Variants in DRAP1 observed in about 807,000 individuals in gnomAD.
The protein encoded by DRAP1 is DR1 associated protein 1.
In DRAP1, 10 loss-of-function variants were observed where a neutral mutation model predicts 24.1. That is an observed-to-expected ratio of 0.41 (90% CI 0.26 to 0.70). The LOEUF is 0.70. Ranked by LOEUF, DRAP1 falls within the 30% of genes least tolerant of loss-of-function variation. The probability of loss-of-function intolerance (pLI) is 0.29; values close to 1 mark genes in which losing one functional copy is unlikely to be tolerated. For missense variants in DRAP1, 264 were observed against 275.6 expected (o/e 0.96, Z 0.30); for synonymous variants, 122 against 113.8 (o/e 1.07, Z -0.46).
In DRAP1 at chr11:65,919,458, G is replaced by T. The variant is rs1488889719; in HGVS notation, c.-44G>T. 6.6e-7 allele frequency: 1 copy of T among 1,512,610 alleles called. No individual in the cohort carries two copies. The highest frequency in any genetic ancestry group is 8.8e-7 in the Non-Finnish European group (1 of 1,131,498). 93.7% of individuals were successfully genotyped at this position (1,512,610 alleles called of 1,614,324 possible). A position where few individuals can be genotyped will look rare whatever the true frequency, so the allele number is the denominator to read the frequency against. On this transcript the variant is annotated 5_prime_UTR_variant, in exon 1 of 7. Transcript: ENST00000312515. ...GAGCAGGCCCGGGAGCCGGGAGGCT[G>T]CGGGCGGCGGCGCTGGACCCGACGC... is the stretch of plus-strand genomic sequence containing the variant.
chr11:65,919,870 G>A lies in DRAP1; in HGVS notation c.115+18G>A, dbSNP rs1407697452. The A allele has an allele frequency of 2.5e-6, 4 of 1,613,292 alleles. No individual in the cohort carries two copies. The highest frequency in any genetic ancestry group is 8.5e-7 in the Non-Finnish European group (1 of 1,179,938). ...CATCATCTGTATCCTGCCGGGGGCG[G>A]ACCGGGTCGAGGGGCGTGGGGGAGG... On this transcript the variant is annotated intron_variant, in intron 2 of 6. Coordinates refer to ENST00000312515, the MANE Select transcript of DRAP1 (RefSeq NM_006442.4).
chr11:65,919,426 G>C lies in DRAP1; in HGVS notation c.-76G>C, dbSNP rs1288234794. 2.8e-6 allele frequency: 4 copies of C among 1,454,192 alleles called. No homozygotes were observed. Among genetic ancestry groups the C allele is most frequent in the Non-Finnish European group, 3.6e-6 (4 of 1,105,718 alleles). The allele number at this position is 1,454,192 out of a possible 1,614,324, so 90.1% of individuals were successfully genotyped here. A position where few individuals can be genotyped will look rare whatever the true frequency, so the allele number is the denominator to read the frequency against. ...AGGACCCAGGGGAACCGCGACGGGC[G>C]GGCGGCGAGCAGGCCCGGGAGCCGG... is the stretch of plus-strand genomic sequence containing the variant. On this transcript the variant is annotated 5_prime_UTR_variant, in exon 1 of 7. Transcript: ENST00000312515.
rs140904739 is a variant in DRAP1, at chr11:65,920,410, A to G, written c.277A>G (p.Met93Val). 5.0e-6 allele frequency: 8 copies of G among 1,614,020 alleles called. No homozygotes were observed. The African/African-American group carries it at 9.3e-5, about 19-fold the overall frequency. Residue 93 changes from methionine to valine, a missense_variant, in exon 4 of 7, where the codon ATG becomes GTG. By Grantham distance (21) the Met-to-Val change is conservative. Around this residue, in one of 2 missense-constraint regions of DRAP1, gnomAD observed 243 missense variants for 233.6 expected, o/e 1.04. Transcript: ENST00000312515. ...LKDLVASVPD[M>V]QGDGEDNHMD... ...GGACCTGGTGGCATCTGTTCCCGAC[A>G]TGCAGGGGGACGGGGAAGACAACCA...
rs532795637 is a variant in DRAP1, at chr11:65,920,820, C to T, written c.424-64C>T. ...GGGCTATGAGGGTCTACTGCTGTCC[C>T]TGCCACTCCCAGTGATGGGTTCGTG... On this transcript the variant is annotated intron_variant, in intron 5 of 6. Transcript: ENST00000312515. 1.3e-4 allele frequency: 204 copies of T among 1,533,064 alleles called. 1 individual carries two copies. The highest frequency in any genetic ancestry group is 3.5e-4 in the Middle Eastern group (2 of 5,772). The allele number at this position is 1,533,064 out of a possible 1,614,324, so 95.0% of individuals were successfully genotyped here.
intron 1 of DRAP1, 53 bp from the exon 2 acceptor site, chr11:65,919,727 C>G: frequency 6.2e-7 from 1 of 1,608,354 alleles, no homozygotes; most frequent in Non-Finnish European, 8.5e-7. Context: ...TCCCCCAGCA[C>G]CCCCTTAGGG....
chr11:65,920,382 G>A lies in DRAP1; in HGVS notation c.249G>A (p.Leu83=). ...CIELEQQFDF[L]KDLVASVPDM... ...AGCTGGAGCAGCAGTTTGACTTCTT[G>A]AAGGACCTGGTGGCATCTGTTCCCG... The change falls in exon 4 of 7, where the codon TTG becomes TTA. Residue 83 remains leucine (L), a synonymous_variant. Transcript: ENST00000312515. 2.5e-6 allele frequency: 4 copies of A among 1,614,130 alleles called. 1 individual carries two copies. The highest frequency in any genetic ancestry group is 2.2e-5 in the South Asian group (2 of 91,090).
chr11:65,921,029 C>T, intron 6 of DRAP1, 57 bp downstream of exon 6: 4 of 1,348,510 alleles, frequency 3.0e-6, no homozygotes, highest in Non-Finnish European at 2.0e-6. Context: ...CCAACTTACC[C>T]CTCTTGTTCT....
In DRAP1 at chr11:65,921,320, T is replaced by G. The variant is rs1854547516; in HGVS notation, c.513-10T>G. ...TCAGGCCTGACTCTCTCCTGCCTTC[T>G]GCCCTGCAGCCCCCCGACACCCTTC... On this transcript the variant is annotated splice_polypyrimidine_tract_variant and intron_variant, in intron 6 of 6. Transcript: ENST00000312515. 1 of 1,566,876 alleles carries G rather than the reference T, an allele frequency of 6.4e-7. No individual in the cohort carries two copies. The highest frequency in any genetic ancestry group is 8.8e-7 in the Non-Finnish European group (1 of 1,138,714).
chr11:65,919,596 G>C, intron 1 of DRAP1, 53 bp downstream of exon 1: 1 of 1,547,012 alleles, frequency 6.5e-7, no homozygotes, highest in Non-Finnish European at 8.7e-7. Flanking sequence ...GGGTGGCTTG[G>C]GCCCAGTTCC....
chr11:65,919,520 A>C lies in DRAP1; in HGVS notation c.19A>C (p.Lys7Gln). 1 of 1,545,134 alleles carries C rather than the reference A, an allele frequency of 6.5e-7. No individual in the cohort carries two copies. Among genetic ancestry groups the C allele is most frequent in the Non-Finnish European group, 8.7e-7 (1 of 1,144,910 alleles). Residue 7 changes from lysine to glutamine, a missense_variant, in exon 1 of 7, where the codon AAG (lysine) becomes CAG (glutamine). Physicochemically the swap from Lys to Gln is moderately conservative, Grantham distance 53 (BLOSUM62 1). Coordinates refer to ENST00000312515, the MANE Select transcript of DRAP1 (RefSeq NM_006442.4). Reference protein sequence around the residue: MPSKKKKYNARFPPARI... With the variant: MPSKKKQYNARFPPARI... ...CCCCGAGATGCCGAGCAAGAAGAAG[A>C]AGTACAACGCGCGGTTCCCGCCGGT...
intron 6 of DRAP1, 170 bp from the exon 7 acceptor site, chr11:65,921,160 C>G (rs979199526): frequency 6.0e-6 from 4 of 670,930 alleles, no homozygotes; most frequent in Non-Finnish European, 7.5e-6. Context: ...TGCCAGGGCC[C>G]GTGGGTGGGG....
Position 65,920,954 on chromosome 11 carries a change from C to T in DRAP1, c.494C>T (p.Pro165Leu), listed in dbSNP as rs755293005. ...TSQPPPQASH[P>L]SAHFQSPPTP... ...CAACCCCCACCCCAGGCCAGCCACC[C>T]CTCTGCCCACTTTCAGAGGTGAGCA... is the stretch of plus-strand genomic sequence containing the variant. Residue 165 changes from proline to leucine, a missense_variant, in exon 6 of 7, where the codon CCC becomes CTC. This residue lies in a region of DRAP1 where 243 missense variants were observed against 233.6 expected (regional missense o/e 1.04). Coordinates refer to ENST00000312515, the MANE Select transcript of DRAP1 (RefSeq NM_006442.4). The T allele has an allele frequency of 6.8e-6, 11 of 1,611,544 alleles. No individual in the cohort carries two copies. In the East Asian group the frequency reaches 8.9e-5, roughly 13 times the overall value.
rs750651508 is a variant in DRAP1, at chr11:65,920,632, G to C, written c.393G>C (p.Lys131Asn). The change falls in exon 5 of 7, where the codon AAG becomes AAC. Residue 131 changes from lysine to asparagine, a missense_variant. Physicochemically the swap from Lys to Asn is moderately conservative, Grantham distance 94. Transcript: ENST00000312515. Reference sequence around the variant, plus strand: ...GGATGGGAACGAAAAGCAAGGACAAGAAGCTGTCCGGGACAGACTCGGAGC... The same window carrying C: ...GGATGGGAACGAAAAGCAAGGACAACAAGCTGTCCGGGACAGACTCGGAGC... The part of the protein sequence containing the change: ...NGGMGTKSKD[K>N]KLSGTDSEQE... 3 of 1,526,628 alleles carry C rather than the reference G, an allele frequency of 2.0e-6. No homozygotes were observed. The African/African-American group carries it at 4.1e-5, about 21-fold the overall frequency. 94.6% of individuals were successfully genotyped at this position (1,526,628 alleles called of 1,614,324 possible). A position where few individuals can be genotyped will look rare whatever the true frequency, so the allele number is the denominator to read the frequency against.
chr11:65,919,871 A>T lies in DRAP1; in HGVS notation c.115+19A>T. 3 of 1,613,252 alleles carry T rather than the reference A, an allele frequency of 1.9e-6. No individual in the cohort carries two copies. Among genetic ancestry groups the T allele is most frequent in the Non-Finnish European group, 2.5e-6 (3 of 1,179,916 alleles). On this transcript the variant is annotated intron_variant, in intron 2 of 6. Coordinates refer to ENST00000312515, the MANE Select transcript of DRAP1 (RefSeq NM_006442.4). ...ATCATCTGTATCCTGCCGGGGGCGGACCGGGTCGAGGGGCGTGGGGGAGGG... is the reference window on the plus strand; with the variant it reads ...ATCATCTGTATCCTGCCGGGGGCGGTCCGGGTCGAGGGGCGTGGGGGAGGG...
intron 6 of DRAP1, 110 bp downstream of exon 6, chr11:65,921,082 T>G (rs1591102302): frequency 1.2e-6 from 1 of 852,180 alleles, no homozygotes; most frequent in Non-Finnish European, 1.8e-6. Flanking sequence ...ATTTGTGGGG[T>G]GGAAGGAGAA....
chr11:65,919,706 A>C (rs1393101737), intron 1 of DRAP1, 74 bp from the exon 2 acceptor site: 2 of 1,572,562 alleles, frequency 1.3e-6, no homozygotes, highest in Non-Finnish European at 1.7e-6. Flanking sequence ...TTCTCCGGGG[A>C]TGCCCCTTCC....
chr11:65,920,782 T>G, intron 5 of DRAP1, 102 bp from the exon 6 acceptor site: 2 of 1,467,054 alleles, frequency 1.4e-6, no homozygotes, highest in Non-Finnish European at 1.8e-6. Context: ...CTCACTGGTT[T>G]ATTTGTAAAT....
In DRAP1 at chr11:65,921,381, G is replaced by C. The variant is rs764268614; in HGVS notation, c.564G>C (p.Ala188=). Reference sequence around the variant, plus strand: ...CCTCTACTCTGCCTTTGCCCCCAGCGCCCCCGGGCCCCTCAGCACCTGATG... The same window carrying C: ...CCTCTACTCTGCCTTTGCCCCCAGCCCCCCCGGGCCCCTCAGCACCTGATG... ...PFASTLPLPP[A]PPGPSAPDEE... is the part of the protein sequence containing the mutation. The change falls in exon 7 of 7, where the codon GCG becomes GCC. Residue 188 remains alanine (A), a synonymous_variant. Transcript: ENST00000312515. 1.2e-6 allele frequency: 2 copies of C among 1,610,562 alleles called. No individual in the cohort carries two copies. The highest frequency in any genetic ancestry group is 2.7e-5 in the African/African-American group (2 of 74,730).
chr11:65,921,141 G>C (rs1854545512), intron 6 of DRAP1, 169 bp downstream of exon 6: 3 of 685,922 alleles, frequency 4.4e-6, no homozygotes, highest in Non-Finnish European at 7.3e-6. Context: ...GAAAGATCCT[G>C]CTCCACCCTG....
Sources: gnomAD v4.1 joint callset for allele counts on GRCh38, gnomAD v4.1.1 for gene constraint, gnomAD v4.1.1 regional missense constraint, MANE v1.5 for transcripts, NCBI Gene and HGNC (gene_info 2026-07-23, HGNC 2026-07-21) for gene names.